LIMCH1: variants seen among roughly 807,000 people sequenced by gnomAD.
LIMCH1 encodes the protein LIM and calponin homology domains-containing protein 1.
In LIMCH1, 113 loss-of-function variants were observed where a neutral mutation model predicts 176.5. The observed-to-expected ratio is 0.64, with a 90% CI of 0.55 to 0.75. The LOEUF (loss-of-function observed/expected upper bound fraction) is 0.75. Among genes scored for constraint, LIMCH1 ranks in the 30% least tolerant of loss-of-function variants. The pLI is 0.00. For missense variants in LIMCH1, 1,674 were observed against 1,814.9 expected (o/e 0.92, Z 1.41); for synonymous variants, 619 against 645.9 (o/e 0.96, Z 0.63).
chr4:41,597,075 T>C (rs1163593239), intron 1 of LIMCH1, among the ~76,000 whole-genome samples: 4 of 152,038 alleles, frequency 2.6e-5, no homozygotes, highest in African/African-American at 9.7e-5. Flanking sequence ...TTTTCACTTC[T>C]CAGATATAGC....
At chr4:41,616,398 G>A (rs1333574611) in intron 5 of LIMCH1, among the ~76,000 whole-genome samples, 4 of 151,872 alleles carry the variant, frequency 2.6e-5, no homozygotes, top group African/African-American at 9.7e-5. Context: ...GCATGGTGGC[G>A]GGCGCCTGTA....
At chr4:41,678,048 C>G (rs1712408067) in intron 23 of LIMCH1, among the ~76,000 whole-genome samples, 1 of 151,956 alleles carries the variant, frequency 6.6e-6, no homozygotes, top group African/African-American at 2.4e-5. Context: ...AACCCGTCAC[C>G]TACATTAGGT....
chr4:41,372,088 C>T (rs1305814683), intron 1 of LIMCH1, among the ~76,000 whole-genome samples: 1 of 152,142 alleles, frequency 6.6e-6, no homozygotes, highest in Non-Finnish European at 1.5e-5. Flanking sequence ...CTCCATTTGG[C>T]TTTGTGTTGA....
chr4:41,400,614 A>G (rs1380723795), intron 1 of LIMCH1, among the ~76,000 whole-genome samples: 1 of 152,210 alleles, frequency 6.6e-6, no homozygotes, highest in Non-Finnish European at 1.5e-5. Flanking sequence ...ACCAGTAGTT[A>G]AAATGATTAT....
At chr4:41,450,457 G>T (rs2063739958) in intron 1 of LIMCH1, among the ~76,000 whole-genome samples, 1 of 152,056 alleles carries the variant, frequency 6.6e-6, no homozygotes, top group South Asian at 2.1e-4. Flanking sequence ...TTTGCTGCAT[G>T]AGTAGAGGGA....
intron 1 of LIMCH1, among the ~76,000 whole-genome samples, chr4:41,491,855 CAG>C (rs527525534): frequency 8.7e-4 from 130 of 149,574 alleles, no homozygotes; most frequent in Middle Eastern, 7.1e-3. Context: ...GGCAGCCGGG[CAG>C]AGGCGCTCCT....
At chr4:41,375,412 A>G (rs982943106) in intron 1 of LIMCH1, among the ~76,000 whole-genome samples, 10 of 152,186 alleles carry the variant, frequency 6.6e-5, no homozygotes, top group African/African-American at 2.4e-4. Flanking sequence ...TAAACTGTTG[A>G]TTAAAAAAAT....
At chr4:41,569,795 A>G (rs959504042) in intron 1 of LIMCH1, among the ~76,000 whole-genome samples, 2 of 152,202 alleles carry the variant, frequency 1.3e-5, no homozygotes, top group African/African-American at 4.8e-5. Flanking sequence ...CAGATTCTCA[A>G]TATTAGCTGT....
In LIMCH1 at chr4:41,515,834, G is replaced by A. The variant is rs148280661; in HGVS notation, c.168-8575G>A. On this transcript the variant is annotated intron_variant, in intron 2 of 26. Transcript: ENST00000313860. ...CTTGCTAAAGAAGAGTTGGGAGCTG[G>A]CTGTGTATTCCACCCCAAGACTGGA... Among the ~76,000 whole-genome samples, 440 of 152,270 alleles carry A rather than the reference G, an allele frequency of 2.9e-3. 6 individuals are homozygous for A. Among genetic ancestry groups the A allele is most frequent in the African/African-American group, 0.01 (422 of 41,558 alleles).
At chr4:41,603,389 C>T (rs986328084) in intron 2 of LIMCH1, among the ~76,000 whole-genome samples, 21 of 152,098 alleles carry the variant, frequency 1.4e-4, no homozygotes, top group Non-Finnish European at 2.5e-4. Context: ...AATTTATGTC[C>T]AGAGCAGAAA....
intron 31 of LIMCH1, among the ~76,000 whole-genome samples, chr4:41,695,226 T>C (rs115266680): frequency 0.045 from 6,737 of 151,362 alleles, 194 homozygotes; most frequent in South Asian, 0.1. Flanking sequence ...ATTTAATACA[T>C]ATAAAAGAAA....
chr4:41,412,958 G>C (rs747264059), intron 1 of LIMCH1, among the ~76,000 whole-genome samples: 6 of 152,174 alleles, frequency 3.9e-5, no homozygotes, highest in Non-Finnish European at 8.8e-5. Flanking sequence ...TGAAGTTGGG[G>C]CCTCAAATCT....
At chr4:41,628,529 A>G (rs935341928) in intron 8 of LIMCH1, among the ~76,000 whole-genome samples, 3 of 152,132 alleles carry the variant, frequency 2.0e-5, no homozygotes, top group Non-Finnish European at 2.9e-5. Context: ...TGGGCTGTGC[A>G]AGCATGCCAA....
intron 1 of LIMCH1, among the ~76,000 whole-genome samples, chr4:41,412,958 G>A (rs747264059): frequency 6.6e-6 from 1 of 152,174 alleles, no homozygotes; most frequent in African/African-American, 2.4e-5. Flanking sequence ...TGAAGTTGGG[G>A]CCTCAAATCT....
intron 1 of LIMCH1, among the ~76,000 whole-genome samples, chr4:41,382,783 T>C (rs1179513139): frequency 6.6e-6 from 1 of 152,202 alleles, no homozygotes; most frequent in Non-Finnish European, 1.5e-5. Flanking sequence ...AGGCAGAGCT[T>C]ATATGGCTGT....
intron 1 of LIMCH1, among the ~76,000 whole-genome samples, chr4:41,482,245 T>G (rs1031491766): frequency 1.3e-5 from 2 of 152,222 alleles, no homozygotes; most frequent in Non-Finnish European, 2.9e-5. Context: ...AGGTCAGTAC[T>G]ACATGTAAAA....
intron 1 of LIMCH1, among the ~76,000 whole-genome samples, chr4:41,374,374 C>G (rs577898599): frequency 6.6e-6 from 1 of 152,202 alleles, no homozygotes; most frequent in Non-Finnish European, 1.5e-5. Flanking sequence ...CCAGGCATCT[C>G]CCAAACCCCA....
intron 1 of LIMCH1, among the ~76,000 whole-genome samples, chr4:41,418,574 C>A (rs533835013): frequency 6.6e-6 from 1 of 152,370 alleles, no homozygotes; most frequent in South Asian, 2.1e-4. Flanking sequence ...GTCTGGTTGA[C>A]AAGCCTCCGT....
At chr4:41,639,945 T>C (rs573264101) in intron 14 of LIMCH1, among the ~76,000 whole-genome samples, 12 of 152,314 alleles carry the variant, frequency 7.9e-5, no homozygotes, top group Admixed American at 7.8e-4. Context: ...GAATAGAATT[T>C]GCATGTAGAA....
Sources: gnomAD v4.1 joint callset for allele counts (sites outside exome capture counted in the v4.1 genomes callset) on GRCh38, gnomAD v4.1.1 for gene constraint, MANE v1.5 for transcripts, NCBI Gene and HGNC (gene_info 2026-07-23, HGNC 2026-07-21) for gene names.